Variants in CTNNA3 observed in about 807,000 individuals in gnomAD.
The protein encoded by CTNNA3 is catenin alpha 3.
A neutral mutation model predicts 95.7 loss-of-function variants in CTNNA3; 76 were observed. The observed-to-expected ratio is 0.79, with a 90% CI of 0.66 to 0.96. The LOEUF is 0.96. CTNNA3 is among the 40% of genes least tolerant of loss of function. The pLI is 0.00. For synonymous variants in CTNNA3, 431 were observed against 374.4 expected (o/e 1.15, Z -1.74); for missense variants, 1,191 against 1,089.8 (o/e 1.09, Z -1.31).
At chr10:66,843,985 T>C (rs1247459725) in intron 7 of CTNNA3, among the ~76,000 whole-genome samples, 1 of 152,230 alleles carries the variant, frequency 6.6e-6, no homozygotes, top group Non-Finnish European at 1.5e-5. Flanking sequence ...TGGAGAACAA[T>C]AATATCTCTA....
chr10:66,057,513 A>T (rs1253641873), intron 15 of CTNNA3, among the ~76,000 whole-genome samples: 1 of 152,220 alleles, frequency 6.6e-6, no homozygotes, highest in Admixed American at 6.6e-5. Flanking sequence ...ATCATCCTGT[A>T]CATTTTTATC....
At chr10:66,238,092 T>C (rs2132030487) in intron 13 of CTNNA3, among the ~76,000 whole-genome samples, 1 of 152,218 alleles carries the variant, frequency 6.6e-6, no homozygotes, top group Non-Finnish European at 1.5e-5. Context: ...ATCTATTAAT[T>C]AATTACATTT....
At chr10:66,731,199 T>C (rs1309109437) in intron 9 of CTNNA3, among the ~76,000 whole-genome samples, 1 of 152,204 alleles carries the variant, frequency 6.6e-6, no homozygotes, top group Non-Finnish European at 1.5e-5. Flanking sequence ...GCATTTGAAT[T>C]GAGCATTTAA....
chr10:66,480,878 C>A (rs984769936), intron 11 of CTNNA3, among the ~76,000 whole-genome samples: 1 of 152,188 alleles, frequency 6.6e-6, no homozygotes, highest in African/African-American at 2.4e-5. Context: ...GCTGGGATTA[C>A]AGGCGTGAGC....
intron 5 of CTNNA3, among the ~76,000 whole-genome samples, chr10:67,387,565 A>C (rs937315718): frequency 9.2e-5 from 14 of 152,222 alleles, no homozygotes; most frequent in African/African-American, 3.1e-4. Context: ...ACCACAGCTC[A>C]AGGAGGCCTG....
intron 13 of CTNNA3, among the ~76,000 whole-genome samples, chr10:66,221,254 C>G (rs531220528): frequency 1.4e-5 from 2 of 141,796 alleles, no homozygotes; most frequent in East Asian, 4.1e-4. Flanking sequence ...TAATTATAAC[C>G]TGGCTTAACT....
intron 7 of CTNNA3, among the ~76,000 whole-genome samples, chr10:66,846,569 T>C (rs1843286954): frequency 6.6e-6 from 1 of 151,952 alleles, no homozygotes; most frequent in Non-Finnish European, 1.5e-5. Context: ...CATCACATTA[T>C]ATACCATATG....
intron 5 of CTNNA3, among the ~76,000 whole-genome samples, chr10:67,472,587 C>T (rs1029776601): frequency 1.3e-5 from 2 of 152,170 alleles, no homozygotes; most frequent in Admixed American, 6.5e-5. Flanking sequence ...AGAAAACCAC[C>T]GTTCTGGGAG....
Position 67,655,782 on chromosome 10 carries a change from C to CAAAAA in CTNNA3, c.-5-8269_-5-8265dup, listed in dbSNP as rs11291979. 6.2e-4 allele frequency among the ~76,000 whole-genome samples: 59 copies of CAAAAA among 95,286 alleles called. 1 individual carries two copies. Among genetic ancestry groups the CAAAAA allele is most frequent in the African/African-American group, 2.0e-3 (57 of 28,160 alleles). The allele number at this position is 95,286 out of a possible 152,430, so 62.5% of individuals were successfully genotyped here. A position where few individuals can be genotyped will look rare whatever the true frequency, so the allele number is the denominator to read the frequency against. On this transcript the variant is annotated intron_variant, in intron 1 of 17. Coordinates refer to ENST00000433211, the MANE Select transcript of CTNNA3 (RefSeq NM_013266.4). ...CGTGAAACAGAGCGAGACTCCGTCT[C>CAAAAA]AAAAAAAAAAAAAAAAAAAATTTAT...
chr10:66,615,603 TTTA>T (rs1844482703), intron 10 of CTNNA3, among the ~76,000 whole-genome samples: 1 of 152,014 alleles, frequency 6.6e-6, no homozygotes, highest in South Asian at 2.1e-4. Flanking sequence ...TATTATCTAC[TTTA>T]TTATTTCATA....
At position 67,750,325 on chromosome 10, in the gene CTNNA3, C is replaced by T. The variant is rs116756499; in HGVS notation, c.-2+13109G>A. 3.1e-3 allele frequency: 4,661 copies of T among 1,524,268 alleles called. 124 individuals are homozygous for T. The African/African-American group carries it at 0.057, about 19-fold the overall frequency. 94.4% of individuals were successfully genotyped at this position (1,524,268 alleles called of 1,614,324 possible). On this transcript the variant is annotated intron_variant, in intron 1 of 17. Transcript: ENST00000684154. ...AGCTCAATACCAAAGCCAAGATGCC[C>T]ATTGTGGGCCTGGGCACTTGGAAGT... is the stretch of plus-strand genomic sequence containing the variant.
At chr10:67,707,726 G>A (rs534184350) in intron 1 of CTNNA3, among the ~76,000 whole-genome samples, 1 of 152,202 alleles carries the variant, frequency 6.6e-6, no homozygotes, top group African/African-American at 2.4e-5. Flanking sequence ...AAGGAGGTAG[G>A]GATAGCTCCA....
At chr10:66,924,254 A>G (rs964566693) in intron 7 of CTNNA3, among the ~76,000 whole-genome samples, 14 of 152,190 alleles carry the variant, frequency 9.2e-5, no homozygotes, top group African/African-American at 3.4e-4. Flanking sequence ...AGGAATTGGT[A>G]ATATCCATTG....
At chr10:67,026,678 A>G (rs997540619) in intron 7 of CTNNA3, among the ~76,000 whole-genome samples, 1 of 152,144 alleles carries the variant, frequency 6.6e-6, no homozygotes, top group African/African-American at 2.4e-5. Flanking sequence ...TTCATAAAGC[A>G]TCTCTTTCAG....
intron 12 of CTNNA3, among the ~76,000 whole-genome samples, chr10:66,292,179 T>C (rs2091694275): frequency 6.6e-6 from 1 of 151,930 alleles, no homozygotes; most frequent in African/African-American, 2.4e-5. Context: ...AATTTACTCT[T>C]CTCTCTCCTC....
intron 5 of CTNNA3, among the ~76,000 whole-genome samples, chr10:67,442,541 G>GC (rs1179739745): frequency 1.3e-5 from 2 of 151,904 alleles, no homozygotes; most frequent in African/African-American, 4.8e-5. Context: ...TGAATGAACA[G>GC]CCCCCCAAAA....
upstream of CTNNA3, among the ~76,000 whole-genome samples, chr10:67,699,745 T>C (rs1841019497): frequency 6.6e-6 from 1 of 152,272 alleles, no homozygotes; most frequent in Non-Finnish European, 1.5e-5. Context: ...CAGGTTCATC[T>C]CACTAGGGAG....
chr10:67,149,343 T>TG (rs1564925021), intron 7 of CTNNA3, among the ~76,000 whole-genome samples: 1 of 152,138 alleles, frequency 6.6e-6, no homozygotes, highest in Non-Finnish European at 1.5e-5. Context: ...CCCAGCACTT[T>TG]GGGAGGCCGA....
chr10:66,376,613 T>C (rs1401513664), intron 12 of CTNNA3, among the ~76,000 whole-genome samples: 1 of 152,188 alleles, frequency 6.6e-6, no homozygotes, highest in Non-Finnish European at 1.5e-5. Flanking sequence ...TTTCATCATT[T>C]ATGACAATAC....
Sources: allele counts gnomAD v4.1 joint callset (sites outside exome capture counted in the v4.1 genomes callset), GRCh38; gene constraint gnomAD v4.1.1; transcripts MANE v1.5; gene names NCBI Gene and HGNC (gene_info 2026-07-23, HGNC 2026-07-21).